AFF2: variants seen among roughly 807,000 people sequenced by gnomAD.
The protein encoded by AFF2 is ALF transcription elongation factor 2, also known as AF4/FMR2 family member 2.
Under a neutral mutation model 76.9 loss-of-function variants are expected in AFF2, and 14 were observed. The ratio of observed to expected loss-of-function variants is 0.18; its 90% CI spans 0.12 to 0.28. AFF2 has a LOEUF of 0.28. Ranked by LOEUF, AFF2 falls within the 10% of genes least tolerant of loss-of-function variation. The probability of loss-of-function intolerance (pLI) is 1.00; values close to 1 mark genes in which losing one functional copy is unlikely to be tolerated. For missense variants in AFF2, 868 were observed against 1,001.1 expected, an observed-to-expected ratio of 0.87 and a Z score of 1.79; for synonymous variants, 398 against 366.7, an observed-to-expected ratio of 1.09 and a Z score of -0.98.
At chrX:148,843,583 G>A (rs905181500) in intron 7 of AFF2, 150 bp downstream of exon 7, 2 of 462,795 alleles carry the variant, frequency 4.3e-6, no homozygotes, top group East Asian at 7.5e-5. Context: ...GGGGTGGGGG[G>A]AGAATCAAAT....
At chrX:148,889,825 C>G (rs985577407) in intron 8 of AFF2, among the ~76,000 whole-genome samples, 1 of 111,446 alleles carries the variant, frequency 9.0e-6, no homozygotes, top group Non-Finnish European at 1.9e-5. Flanking sequence ...ACCTAAGTAC[C>G]TATAAAATAG....
At chrX:148,805,577 A>T (rs2070120267) in intron 3 of AFF2, among the ~76,000 whole-genome samples, 1 of 112,553 alleles carries the variant, frequency 8.9e-6, no homozygotes, top group Non-Finnish European at 1.9e-5. Context: ...GCTAAGAAGT[A>T]TGCTCCAAAC....
intron 3 of AFF2, among the ~76,000 whole-genome samples, chrX:148,672,425 G>A (rs1557259171): frequency 8.9e-6 from 1 of 112,036 alleles, no homozygotes; most frequent in East Asian, 2.8e-4. Context: ...TTGCCTAAAG[G>A]CACACAGCCA....
In AFF2 at chrX:148,971,773, G is replaced by A. The variant is rs868915716; in HGVS notation, c.3268-1698G>A. Among the ~76,000 whole-genome samples, 15 of 25,798 alleles carry A rather than the reference G, an allele frequency of 5.8e-4. 1 individual carries two copies. The highest frequency in any genetic ancestry group is 2.2e-3 in the African/African-American group (14 of 6,293). The allele number at this position is 25,798 out of a possible 115,157, so 22.4% of individuals were successfully genotyped here. A position where few individuals can be genotyped will look rare whatever the true frequency, so the allele number is the denominator to read the frequency against. The stretch of plus-strand genomic sequence containing the variant: ...TTTTTTTTTTTTTTTTTTTTTTAAT[G>A]TTTTTTTTTTTTATTATACTCTAAG... On this transcript the variant is annotated intron_variant, in intron 15 of 20. Transcript: ENST00000370460.
chrX:148,893,166 A>G (rs112781724), intron 8 of AFF2, among the ~76,000 whole-genome samples: 64 of 112,342 alleles, frequency 5.7e-4, no homozygotes, highest in African/African-American at 1.5e-3. Context: ...ATTTTAATTT[A>G]TTCATTAAAG....
chrX:148,880,053 C>A lies in AFF2; in HGVS notation c.1263-5836C>A, dbSNP rs782279989. ...TGTGGGCACAGTGGTTGGCACTGGG[C>A]TAGGGGTCCACCCCTGATAGATCTT... On this transcript the variant is annotated intron_variant, in intron 7 of 20. Transcript: ENST00000370460. Among the ~76,000 whole-genome samples, 6 of 112,477 alleles carry A rather than the reference C, an allele frequency of 5.3e-5. No homozygotes were observed. In the East Asian group the frequency reaches 1.7e-3, roughly 32 times the overall value.
chrX:148,571,852 C>G (rs2053232697), intron 1 of AFF2, among the ~76,000 whole-genome samples: 1 of 111,069 alleles, frequency 9.0e-6, no homozygotes, highest in South Asian at 3.8e-4. Context: ...ATCTCTAGAT[C>G]CACCTACATA....
chrX:148,721,613 G>T (rs1268159086), intron 3 of AFF2, among the ~76,000 whole-genome samples: 1 of 112,096 alleles, frequency 8.9e-6, no homozygotes, highest in Non-Finnish European at 1.9e-5. Flanking sequence ...GTGGAGGGCA[G>T]TGTAGAGGCA....
chrX:148,694,742 T>A (rs782728634), intron 3 of AFF2, among the ~76,000 whole-genome samples: 1 of 111,295 alleles, frequency 9.0e-6, no homozygotes, highest in Non-Finnish European at 1.9e-5. Context: ...TTTGAGAATT[T>A]ATGTTTACAT....
chrX:148,659,798 A>G (rs2054287179), intron 2 of AFF2, among the ~76,000 whole-genome samples: 1 of 112,284 alleles, frequency 8.9e-6, no homozygotes, highest in African/African-American at 3.2e-5. Flanking sequence ...GGAGACCACT[A>G]TATACAAAGA....
intron 1 of AFF2, among the ~76,000 whole-genome samples, chrX:148,626,193 G>A (rs991499327): frequency 9.0e-6 from 1 of 110,724 alleles, no homozygotes; most frequent in Non-Finnish European, 1.9e-5. Context: ...ATGTCGGGTG[G>A]TATTGTCTTA....
chrX:148,595,646 G>A (rs1369338148), intron 1 of AFF2, among the ~76,000 whole-genome samples: 1 of 112,016 alleles, frequency 8.9e-6, no homozygotes, highest in East Asian at 2.8e-4. Flanking sequence ...AGTTGCTCAG[G>A]AAAGGAAAAT....
At position 148,506,128 on chromosome X, in the gene AFF2, C is replaced by G. The variant is rs1182933268; in HGVS notation, c.47+4984C>G. On this transcript the variant is annotated intron_variant, in intron 1 of 20. Coordinates refer to ENST00000370460, the MANE Select transcript of AFF2 (RefSeq NM_002025.4). ...TTCTGAGATAGGACCTGTTATGATCCCTGTTTTACAGATGAAGCAATGAAA... is the reference window on the plus strand; with the variant it reads ...TTCTGAGATAGGACCTGTTATGATCGCTGTTTTACAGATGAAGCAATGAAA... Among the ~76,000 whole-genome samples the G allele has an allele frequency of 3.6e-5, 4 of 111,238 alleles. No homozygotes were observed. The East Asian group carries it at 1.1e-3, about 31-fold the overall frequency.
chrX:148,640,994 C>A (rs1444862314), intron 1 of AFF2, among the ~76,000 whole-genome samples: 2 of 111,965 alleles, frequency 1.8e-5, no homozygotes, highest in African/African-American at 3.2e-5. Context: ...CCCAAGCCAA[C>A]CTGAGAGTGT....
At chrX:148,633,078 A>C (rs1304350077) in intron 1 of AFF2, among the ~76,000 whole-genome samples, 1 of 112,249 alleles carries the variant, frequency 8.9e-6, no homozygotes, top group Non-Finnish European at 1.9e-5. Context: ...CATTTATAGT[A>C]TAGAATGCAA....
intron 3 of AFF2, among the ~76,000 whole-genome samples, chrX:148,668,405 G>A (rs2054382416): frequency 1.8e-5 from 2 of 112,745 alleles, no homozygotes; most frequent in African/African-American, 6.4e-5. Context: ...CCCCAACAGG[G>A]ACTCTGTGGC....
chrX:148,897,221 CTATATATATA>C (rs1171086215), intron 8 of AFF2, among the ~76,000 whole-genome samples: 7 of 23,440 alleles, frequency 3.0e-4, no homozygotes, highest in African/African-American at 1.1e-3. Context: ...CCTTAGTCCA[CTATATATATA>C]TATATATATA....
chrX:148,790,036 G>T (rs7053459), intron 3 of AFF2, among the ~76,000 whole-genome samples: 4 of 111,360 alleles, frequency 3.6e-5, no homozygotes, highest in Admixed American at 1.9e-4. Flanking sequence ...TTTACTTATT[G>T]TCCAACTTAG....
At chrX:148,539,185 T>C (rs1206893828) in intron 1 of AFF2, among the ~76,000 whole-genome samples, 1 of 112,255 alleles carries the variant, frequency 8.9e-6, no homozygotes, top group Non-Finnish European at 1.9e-5. Context: ...AGTAATCTAA[T>C]TCATTAAGCA....
Sources: allele counts gnomAD v4.1 joint callset (sites outside exome capture counted in the v4.1 genomes callset), GRCh38; gene constraint gnomAD v4.1.1; transcripts MANE v1.5; gene names NCBI Gene and HGNC (gene_info 2026-07-23, HGNC 2026-07-21).